SNX25: variants seen among roughly 807,000 people sequenced by gnomAD.
The protein encoded by SNX25 is sorting nexin-25.
In SNX25, 62 loss-of-function variants were observed where a neutral mutation model predicts 113.7. The ratio of observed to expected loss-of-function variants is 0.55; its 90% CI spans 0.44 to 0.67. The LOEUF is 0.67. Among genes scored for constraint, SNX25 ranks in the 30% least tolerant of loss-of-function variants. The pLI is 0.00. For missense variants in SNX25, 1,014 were observed against 1,161.0 expected, an observed-to-expected ratio of 0.87 and a Z score of 1.84; for synonymous variants, 421 against 436.2, an observed-to-expected ratio of 0.97 and a Z score of 0.43.
chr4:185,291,365 C>G (rs377483500), intron 6 of SNX25, among the ~76,000 whole-genome samples: 6 of 152,174 alleles, frequency 3.9e-5, no homozygotes, highest in Admixed American at 3.9e-4. Context: ...GCTCCACTCT[C>G]CCCACTCCCC....
intron 9 of SNX25, 26 bp from the exon 10 acceptor site, chr4:185,332,569 A>G (rs1213571889): frequency 1.9e-6 from 3 of 1,577,654 alleles, no homozygotes; most frequent in East Asian, 4.5e-5. Flanking sequence ...ATTATAAGAT[A>G]TGGTGGTATG....
intron 5 of SNX25, among the ~76,000 whole-genome samples, chr4:185,287,409 A>G (rs1340946392): frequency 6.6e-6 from 1 of 152,172 alleles, no homozygotes; most frequent in African/African-American, 2.4e-5. Flanking sequence ...ATGAGAAGCA[A>G]TGAGGCGCTG....
chr4:185,306,473 C>T (rs576385479), intron 6 of SNX25, among the ~76,000 whole-genome samples: 1 of 152,228 alleles, frequency 6.6e-6, no homozygotes, highest in Non-Finnish European at 1.5e-5. Flanking sequence ...AAGGGTTATT[C>T]TCTTTCTTAC....
chr4:185,330,642 A>T (rs1006558880), intron 9 of SNX25, among the ~76,000 whole-genome samples: 5 of 152,206 alleles, frequency 3.3e-5, no homozygotes, highest in African/African-American at 9.7e-5. Context: ...GTCATCTTAC[A>T]TAGAAAGATT....
chr4:185,371,880 G>A (rs1043759836), downstream of SNX25, among the ~76,000 whole-genome samples: 3 of 152,164 alleles, frequency 2.0e-5, no homozygotes, highest in South Asian at 2.1e-4. Context: ...GCTAGGGCTC[G>A]GAGAGGGGGG....
chr4:185,324,657 G>A (rs752020949), intron 9 of SNX25, among the ~76,000 whole-genome samples: 11 of 152,124 alleles, frequency 7.2e-5, no homozygotes, highest in Admixed American at 1.3e-4. Flanking sequence ...AGTTGGAGAT[G>A]TCATTTGTGG....
chr4:185,312,824 C>T (rs1332489292), intron 7 of SNX25, among the ~76,000 whole-genome samples: 3 of 152,180 alleles, frequency 2.0e-5, no homozygotes, highest in South Asian at 2.1e-4. Flanking sequence ...TGCGCCTGGC[C>T]TTGATTTGTT....
At chr4:185,368,007 G>A (rs1354369442), downstream of SNX25, among the ~76,000 whole-genome samples, 4 of 152,014 alleles carry the variant, frequency 2.6e-5, no homozygotes, top group East Asian at 5.8e-4. Flanking sequence ...GTGAAACTCC[G>A]TCTCTACTAA....
intron 1 of SNX25, among the ~76,000 whole-genome samples, chr4:185,219,111 G>A (rs912564230): frequency 2.0e-5 from 3 of 152,112 alleles, no homozygotes; most frequent in African/African-American, 7.2e-5. Flanking sequence ...TGAGAAAGAC[G>A]TTCCCTGTTG....
At chr4:185,378,573 A>T in the SNX25 span, 1 of 1,007,720 alleles carries the variant, frequency 9.9e-7, no homozygotes, top group Non-Finnish European at 1.2e-6. Flanking sequence ...CTGCACTGGT[A>T]CCTTCTCTGC....
At chr4:185,239,298 A>G (rs1244345034) in intron 1 of SNX25, among the ~76,000 whole-genome samples, 4 of 151,882 alleles carry the variant, frequency 2.6e-5, no homozygotes, top group Non-Finnish European at 5.9e-5. Context: ...CCTGGCCAAC[A>G]CGGTGAAACT....
the SNX25 span, chr4:185,377,150 C>T: frequency 1.5e-6 from 1 of 682,846 alleles, no homozygotes; most frequent in Admixed American, 2.4e-5. Context: ...TACAACTGGC[C>T]TCCTTAGCTC....
intron 1 of SNX25, among the ~76,000 whole-genome samples, chr4:185,238,298 G>A (rs185756352): frequency 4.0e-4 from 61 of 152,130 alleles, no homozygotes; most frequent in African/African-American, 1.4e-3. Context: ...TGCCATGGGA[G>A]CCTGTGTTCT....
intron 11 of SNX25, among the ~76,000 whole-genome samples, chr4:185,339,758 T>C (rs1464660993): frequency 6.6e-6 from 1 of 152,210 alleles, no homozygotes; most frequent in Non-Finnish European, 1.5e-5. Flanking sequence ...TTCACTGGAA[T>C]TGAAAGCAGC....
chr4:185,362,458 T>C, intron 17 of SNX25, 153 bp from the exon 18 acceptor site: 2 of 784,860 alleles, frequency 2.5e-6, no homozygotes, highest in Non-Finnish European at 3.1e-6. Flanking sequence ...AAACATTCTT[T>C]CCTGAAGCAT....
At chr4:185,295,543 G>A (rs889459375) in intron 6 of SNX25, among the ~76,000 whole-genome samples, 3 of 150,912 alleles carry the variant, frequency 2.0e-5, no homozygotes, top group African/African-American at 4.9e-5. Context: ...TTGACCTCCC[G>A]GGTTCAAGTG....
intron 7 of SNX25, among the ~76,000 whole-genome samples, chr4:185,313,653 G>A (rs1357186523): frequency 6.6e-6 from 1 of 152,154 alleles, no homozygotes; most frequent in African/African-American, 2.4e-5. Context: ...TATGTATATT[G>A]TGGGATATAT....
intron 4 of SNX25, among the ~76,000 whole-genome samples, chr4:185,264,846 T>G (rs1161230385): frequency 6.6e-6 from 1 of 152,202 alleles, no homozygotes; most frequent in African/African-American, 2.4e-5. Context: ...TTTATGCTCT[T>G]CACAGGGAAG....
intron 7 of SNX25, among the ~76,000 whole-genome samples, chr4:185,313,763 A>G (rs2095049188): frequency 6.6e-6 from 1 of 152,338 alleles, no homozygotes; most frequent in Non-Finnish European, 1.5e-5. Flanking sequence ...AAATTCACAT[A>G]TAACTATGGA....
Sources: gnomAD v4.1 joint callset for allele counts (sites outside exome capture counted in the v4.1 genomes callset) on GRCh38, gnomAD v4.1.1 for gene constraint, MANE v1.5 for transcripts, NCBI Gene and HGNC (gene_info 2026-07-23, HGNC 2026-07-21) for gene names.